The following ELOF1 variants were observed in gnomAD, a reference collection of about 807,000 sequenced individuals.
ELOF1 encodes the protein elongation factor 1.
In ELOF1, 4 loss-of-function variants were observed where a neutral mutation model predicts 7.1. That is an observed-to-expected ratio of 0.56 (90% CI 0.28 to 1.29). ELOF1 has a LOEUF of 1.29. Among genes scored for constraint, ELOF1 ranks in the 50% most tolerant of loss-of-function variants. The pLI, the probability that ELOF1 is intolerant of heterozygous loss-of-function variation, is 0.10. For synonymous variants in ELOF1, 31 were observed against 31.9 expected, an observed-to-expected ratio of 0.97 and a Z score of 0.09; for missense variants, 59 against 86.3, an observed-to-expected ratio of 0.68 and a Z score of 1.25.
intron 3 of ELOF1, chr19:11,553,493 C>G (rs1220025728): frequency 2.2e-5 from 13 of 602,418 alleles, no homozygotes; most frequent in Non-Finnish European, 3.6e-5. Context: ...CACCGCGTAC[C>G]TGTGAGCACA....
chr19:11,553,263 C>A, intron 3 of ELOF1: 1 of 398,714 alleles, frequency 2.5e-6, no homozygotes, highest in Non-Finnish European at 4.4e-6. Context: ...AGCGGGAAGT[C>A]CAGTTGAGAT....
chr19:11,553,607 ACACAC>A, intron 3 of ELOF1: 1 of 715,900 alleles, frequency 1.4e-6, no homozygotes, highest in Non-Finnish European at 2.2e-6. Flanking sequence ...ACACACACAC[ACACAC>A]ACACACACAC....
At chr19:11,558,432 A>C (rs1174791818) in intron 1 of ELOF1, among the ~76,000 whole-genome samples, 3 of 151,992 alleles carry the variant, frequency 2.0e-5, no homozygotes, top group Non-Finnish European at 4.4e-5. Flanking sequence ...ATTACTGAAT[A>C]AATCACTCAA....
At chr19:11,553,052 C>T (rs1204248635) in exon 4 of ELOF1, 1 of 399,322 alleles carries the variant, frequency 2.5e-6, no homozygotes. Context: ...GGGATGTGCG[C>T]TGGCTGCTTT....
intron 1 of ELOF1, chr19:11,555,059 C>T (rs564467085): frequency 6.0e-6 from 1 of 167,548 alleles, no homozygotes; most frequent in East Asian, 1.9e-4. Flanking sequence ...GAGTTCGAGA[C>T]CAGCCTGACC....
intron 1 of ELOF1, chr19:11,555,539 A>G (rs1369848105): frequency 6.6e-6 from 1 of 152,318 alleles, no homozygotes; most frequent in African/African-American, 2.4e-5. Context: ...GAGGAGTGAC[A>G]CTCAGGTTAT....
intron 1 of ELOF1, 35 bp from the exon 2 acceptor site, chr19:11,554,400 A>G (rs754873914): frequency 6.2e-7 from 1 of 1,600,058 alleles, no homozygotes; most frequent in East Asian, 2.2e-5. Flanking sequence ...GGTTTGAGGA[A>G]ACCACGCAGC....
At chr19:11,557,015 A>C (rs187386955) in intron 1 of ELOF1, among the ~76,000 whole-genome samples, 33 of 151,822 alleles carry the variant, frequency 2.2e-4, no homozygotes, top group Admixed American at 1.2e-3. Flanking sequence ...GGAAAAAAAA[A>C]CTCTTCATCC....
At chr19:11,553,578 C>A (rs1328840581) in intron 3 of ELOF1, 5 of 721,192 alleles carry the variant, frequency 6.9e-6, no homozygotes, top group East Asian at 2.8e-5. Context: ...ACACGCACAC[C>A]CACTACACAC....
intron 3 of ELOF1, chr19:11,553,579 CACT>C (rs1972767790): frequency 2.8e-6 from 2 of 715,952 alleles, no homozygotes; most frequent in Admixed American, 2.7e-5. Context: ...CACGCACACC[CACT>C]ACACACACAC....
At chr19:11,554,503 T>G (rs563461342) in intron 1 of ELOF1, 138 bp from the exon 2 acceptor site, 2 of 1,237,148 alleles carry the variant, frequency 1.6e-6, no homozygotes, top group Non-Finnish European at 2.2e-6. Flanking sequence ...GACGAGGCCC[T>G]CAGTCCTGAT....
chr19:11,558,440 C>G (rs1352875871), intron 1 of ELOF1, among the ~76,000 whole-genome samples: 1 of 151,836 alleles, frequency 6.6e-6, no homozygotes, highest in Non-Finnish European at 1.5e-5. Context: ...ATAAATCACT[C>G]AATCAGTTTG....
intron 3 of ELOF1, chr19:11,553,590 CACA>C: frequency 1.5e-5 from 2 of 134,468 alleles, no homozygotes; most frequent in Non-Finnish European, 2.6e-5. Flanking sequence ...ACTACACACA[CACA>C]CACACACACA....
chr19:11,554,136 G>T, intron 2 of ELOF1, 55 bp from the exon 3 acceptor site: 1 of 1,614,006 alleles, frequency 6.2e-7, no homozygotes, highest in Non-Finnish European at 8.5e-7. Flanking sequence ...GCCTGTGGGT[G>T]ATGACGCCTT....
rs59423206 is a variant in ELOF1, at chr19:11,554,794, A to T, written c.-18-429T>A. 6.6e-3 allele frequency: 1,113 copies of T among 167,724 alleles called. 14 individuals are homozygous for T. Among genetic ancestry groups the T allele is most frequent in the African/African-American group, 0.026 (1,066 of 41,792 alleles). The allele number at this position is 167,724 out of a possible 1,614,324, so 10.4% of individuals were successfully genotyped here. ...TCATCTCTAAAAAAAAAAAATTAAAAATTAGCCAGGCATGGTGGTGCAGGC... is the reference window on the plus strand; with the variant it reads ...TCATCTCTAAAAAAAAAAAATTAAATATTAGCCAGGCATGGTGGTGCAGGC... On this transcript the variant is annotated intron_variant, in intron 1 of 3. Coordinates refer to ENST00000586683, the Ensembl canonical transcript of ELOF1.
At chr19:11,556,800 C>T (rs1239476261) in intron 1 of ELOF1, among the ~76,000 whole-genome samples, 1 of 152,244 alleles carries the variant, frequency 6.6e-6, no homozygotes, top group Non-Finnish European at 1.5e-5. Context: ...TGGCCTCAGC[C>T]TGCTCAGTAG....
At position 11,558,362 on chromosome 19, in the gene ELOF1, C is replaced by T. The variant is rs569531557; in HGVS notation, c.-19+829G>A. On this transcript the variant is annotated intron_variant, in intron 1 of 3. Coordinates refer to ENST00000586683, the Ensembl canonical transcript of ELOF1. Reference sequence around the variant, plus strand: ...AACTCCTGGGCTCAAGAGATACTCCCGCCTCGGCCTCCCAAAGTGCTGGCG... The same window carrying T: ...AACTCCTGGGCTCAAGAGATACTCCTGCCTCGGCCTCCCAAAGTGCTGGCG... 5.3e-5 allele frequency among the ~76,000 whole-genome samples: 8 copies of T among 152,128 alleles called. No homozygotes were observed. In the East Asian group the frequency reaches 1.4e-3, roughly 26 times the overall value.
intron 1 of ELOF1, among the ~76,000 whole-genome samples, chr19:11,558,345 G>T (rs1210719720): frequency 1.3e-5 from 2 of 151,882 alleles, no homozygotes; most frequent in Non-Finnish European, 2.9e-5. Flanking sequence ...GGAACTCCTG[G>T]GCTCAAGAGA....
intron 1 of ELOF1, among the ~76,000 whole-genome samples, chr19:11,557,928 A>G (rs1972857143): frequency 1.3e-5 from 2 of 152,132 alleles, no homozygotes; most frequent in Non-Finnish European, 2.9e-5. Context: ...CACCACATGA[A>G]GATTTCACCC....
Sources: allele counts gnomAD v4.1 joint callset (sites outside exome capture counted in the v4.1 genomes callset), GRCh38; gene constraint gnomAD v4.1.1; transcripts MANE v1.5; gene names NCBI Gene and HGNC (gene_info 2026-07-23, HGNC 2026-07-21).